PRCD: variants seen among roughly 807,000 people sequenced by gnomAD.
The protein encoded by PRCD is photoreceptor disk component PRCD.
Under a neutral mutation model 10.1 loss-of-function variants are expected in PRCD, and 12 were observed. That is an observed-to-expected ratio of 1.18 (90% CI 0.76 to 1.92). PRCD has a LOEUF of 1.92. PRCD is among the 40% of genes most tolerant of loss of function. PRCD has a pLI of 0.00. For synonymous variants in PRCD, 31 were observed against 26.2 expected (o/e 1.18, Z -0.56); for missense variants, 61 against 72.2 (o/e 0.84, Z 0.56).
rs939688942 is a variant in PRCD at position 76,530,741 on chromosome 17, C to T, written n.45+2908C>T. 5.3e-5 allele frequency among the ~76,000 whole-genome samples: 8 copies of T among 152,130 alleles called. No homozygotes were observed. The highest frequency in any genetic ancestry group is 2.9e-5 in the Non-Finnish European group (2 of 68,024). ...CCTGGCTCTAGGGAAGGGGAAGGCT[C>T]TTTGGGAGGATTTTTGCTCAGGGCT... On this transcript the variant is annotated intron_variant and non_coding_transcript_variant, in intron 1 of 4. Transcript: ENST00000397633. The surrounding 1 kb of genome is among the most constrained non-coding windows in gnomAD (Gnocchi z 6.1).
downstream of PRCD, among the ~76,000 whole-genome samples, chr17:76,549,132 G>A (rs1373790462): frequency 1.3e-5 from 2 of 152,144 alleles, no homozygotes; most frequent in Non-Finnish European, 2.9e-5. Flanking sequence ...CAATACACTG[G>A]ACTTTATCAA....
At chr17:76,547,246 G>A (rs961697921), downstream of PRCD, 1 of 152,344 alleles carries the variant, frequency 6.6e-6, no homozygotes, top group Non-Finnish European at 1.5e-5. Context: ...TGGCAGGGAT[G>A]ACAGACAGCG....
In PRCD at chr17:76,544,076, C is replaced by A. The variant is rs903171307; in HGVS notation, c.*426C>A. 1.5e-4 allele frequency: 70 copies of A among 454,532 alleles called. No individual in the cohort carries two copies. The Admixed American group carries it at 1.6e-3, about 11-fold the overall frequency. The allele number at this position is 454,532 out of a possible 1,614,324, so 28.2% of individuals were successfully genotyped here. A position where few individuals can be genotyped will look rare whatever the true frequency, so the allele number is the denominator to read the frequency against. On this transcript the variant is annotated 3_prime_UTR_variant, in exon 5 of 5. Coordinates refer to ENST00000592014, the MANE Select transcript of PRCD (RefSeq NM_001077620.3). ...AGCTGCTCTGCCATTTCTCTCTTTT[C>A]AATCCTGCATGATCCTGAGCAGAGA... is the stretch of plus-strand genomic sequence containing the variant.
In PRCD at chr17:76,531,135, G is replaced by A; in HGVS notation, n.45+3302G>A. The A allele has an allele frequency of 6.2e-7, 1 of 1,613,214 alleles. No homozygotes were observed. Among genetic ancestry groups the A allele is most frequent in the Middle Eastern group, 1.7e-4 (1 of 5,990 alleles). ...GGCGACCACCTCCAGAATGACCCCA[G>A]AGAGGATCTGGGGGCAAAGGGAGGA... On this transcript the variant is annotated intron_variant and non_coding_transcript_variant, in intron 1 of 4. Transcript: ENST00000397633. This position sits in a 1 kb window ranked among gnomAD's most constrained non-coding sequence, Gnocchi z 7.4.
downstream of PRCD, among the ~76,000 whole-genome samples, chr17:76,547,672 CACAG>C (rs1567915419): frequency 2.0e-5 from 3 of 151,276 alleles, no homozygotes; most frequent in South Asian, 4.2e-4. Context: ...CATATTCACA[CACAG>C]AGACACCCAC....
In PRCD at chr17:76,528,509, CAAG is replaced by C; in HGVS notation, n.45+677_45+679del. 1 of 1,229,688 alleles carries C rather than the reference CAAG, an allele frequency of 8.1e-7. No individual in the cohort carries two copies. Among genetic ancestry groups the C allele is most frequent in the South Asian group, 3.0e-5 (1 of 33,500 alleles). 76.2% of individuals were successfully genotyped at this position (1,229,688 alleles called of 1,614,324 possible). Reference sequence around the variant, plus strand: ...TCCTTGGCACCCAGAAATGGAGCGTCAAGGAGGGTCTTCAGAACTCGGCCTTCT... The same window carrying C: ...TCCTTGGCACCCAGAAATGGAGCGTCGAGGGTCTTCAGAACTCGGCCTTCT... On this transcript the variant is annotated intron_variant and non_coding_transcript_variant, in intron 1 of 4. Coordinates refer to the PRCD transcript ENST00000397633. The surrounding 1 kb of genome is among the most constrained non-coding windows in gnomAD (Gnocchi z 5.8).
chr17:76,537,327 G>T, upstream of PRCD: 3 of 1,450,172 alleles, frequency 2.1e-6, no homozygotes, highest in Non-Finnish European at 2.7e-6. Flanking sequence ...TCGGACCCGG[G>T]CCCAGCCCTC....
chr17:76,533,266 C>T lies in PRCD; in HGVS notation n.45+5433C>T, dbSNP rs1055185671. Among the ~76,000 whole-genome samples, 24 of 152,170 alleles carry T rather than the reference C, an allele frequency of 1.6e-4. No individual in the cohort carries two copies. The highest frequency in any genetic ancestry group is 5.8e-4 in the African/African-American group (24 of 41,426). The stretch of plus-strand genomic sequence containing the variant: ...TTTGCAGAAGGGCAAGAGGAGGGCC[C>T]CCGCTCACTGCTTCATGGATACACG... On this transcript the variant is annotated intron_variant and non_coding_transcript_variant, in intron 1 of 4. Transcript: ENST00000397633. The surrounding 1 kb of genome is among the most constrained non-coding windows in gnomAD (Gnocchi z 4.5).
upstream of PRCD, chr17:76,527,784 G>A (rs1305503196): frequency 2.2e-6 from 1 of 453,920 alleles, no homozygotes; most frequent in African/African-American, 2.0e-5. Flanking sequence ...CCCCAGTGCG[G>A]TCATCCCACC....
chr17:76,527,779 G>A, upstream of PRCD: 1 of 454,040 alleles, frequency 2.2e-6, no homozygotes, highest in Non-Finnish European at 4.4e-6. Context: ...CCCTCCCCCA[G>A]TGCGGTCATC....
chr17:76,551,821 G>A (rs1204472972), intron 1 of PRCD: 1 of 151,354 alleles, frequency 6.6e-6, no homozygotes, highest in Non-Finnish European at 1.5e-5. Flanking sequence ...TTTTTAGGCT[G>A]GATTGTTTGA....
rs201699563 is a variant in PRCD at position 76,531,437 on chromosome 17, C to G, written n.45+3604C>G. 2 of 1,594,618 alleles carry G rather than the reference C, an allele frequency of 1.3e-6. No individual in the cohort carries two copies. The highest frequency in any genetic ancestry group is 1.1e-5 in the South Asian group (1 of 90,620). On this transcript the variant is annotated intron_variant and non_coding_transcript_variant, in intron 1 of 4. Coordinates refer to the PRCD transcript ENST00000397633. The surrounding 1 kb of genome is among the most constrained non-coding windows in gnomAD (Gnocchi z 7.4). ...CCATGACGCGTGGGCGGTGGGGGCT[C>G]TGCAGCAGATGGGGGCGCATACCTT...
exon 1 of PRCD, chr17:76,527,807 C>T (rs1260088853): frequency 4.4e-6 from 2 of 453,876 alleles, no homozygotes; most frequent in Non-Finnish European, 8.8e-6. Flanking sequence ...GAACTTCGCT[C>T]TGCCCCTGCC....
Position 76,531,072 on chromosome 17 carries a change from C to T in PRCD, n.45+3239C>T, listed in dbSNP as rs1057192546. 3 of 1,613,776 alleles carry T rather than the reference C, an allele frequency of 1.9e-6. No individual in the cohort carries two copies. Among genetic ancestry groups the T allele is most frequent in the Non-Finnish European group, 2.5e-6 (3 of 1,179,956 alleles). ...GAGGCCACGCAGCTTGGCCCAGGCTCTCTGCGTCTCAGGTGGGAAGTCACT... is the reference window on the plus strand; with the variant it reads ...GAGGCCACGCAGCTTGGCCCAGGCTTTCTGCGTCTCAGGTGGGAAGTCACT... On this transcript the variant is annotated intron_variant and non_coding_transcript_variant, in intron 1 of 4. Coordinates refer to the PRCD transcript ENST00000397633. This position sits in a 1 kb window ranked among gnomAD's most constrained non-coding sequence, Gnocchi z 7.4.
At chr17:76,534,853 C>T (rs527324158) in intron 1 of PRCD, among the ~76,000 whole-genome samples, 3 of 152,362 alleles carry the variant, frequency 2.0e-5, no homozygotes, top group South Asian at 2.1e-4. Flanking sequence ...AGACCCTCCA[C>T]GGTTCTGTGG....
Position 76,528,184 on chromosome 17 carries a change from T to G in PRCD, n.45+351T>G, listed in dbSNP as rs141338592. 4.2e-3 allele frequency: 1,688 copies of G among 397,292 alleles called. 24 individuals carry two copies. The highest frequency in any genetic ancestry group is 0.031 in the African/African-American group (1,482 of 48,572). The allele number at this position is 397,292 out of a possible 1,614,324, so 24.6% of individuals were successfully genotyped here. On this transcript the variant is annotated intron_variant and non_coding_transcript_variant, in intron 1 of 4. Coordinates refer to the PRCD transcript ENST00000397633. The surrounding 1 kb of genome is among the most constrained non-coding windows in gnomAD (Gnocchi z 5.8). ...ATATAGAATATATCTGTATATATGG[T>G]AGATGTGTGCGTGATACTCTAGATG...
At chr17:76,529,254 G>T (rs775642150) in intron 1 of PRCD, 13 of 985,298 alleles carry the variant, frequency 1.3e-5, no homozygotes, top group Non-Finnish European at 1.3e-5. Context: ...AGGGACACTA[G>T]GGGTGGGCTA....
chr17:76,532,894 G>A (rs1443662819), intron 1 of PRCD, among the ~76,000 whole-genome samples: 1 of 152,188 alleles, frequency 6.6e-6, no homozygotes, highest in East Asian at 1.9e-4. Flanking sequence ...TGAGACATGG[G>A]CACCGACTCA....
At position 76,531,706 on chromosome 17, in the gene PRCD, A is replaced by G. The variant is rs751166799; in HGVS notation, n.45+3873A>G. On this transcript the variant is annotated intron_variant and non_coding_transcript_variant, in intron 1 of 4. Transcript: ENST00000397633. This position sits in a 1 kb window ranked among gnomAD's most constrained non-coding sequence, Gnocchi z 7.4. ...TCACAAAGAACCTGGCAAGAGGAAC[A>G]GGGGTGGTCGCTGAAGCTGGAGGCT... 1 of 1,573,678 alleles carries G rather than the reference A, an allele frequency of 6.4e-7. No individual in the cohort carries two copies. The highest frequency in any genetic ancestry group is 8.7e-7 in the Non-Finnish European group (1 of 1,151,892).
Sources: gnomAD v4.1 joint callset for allele counts (sites outside exome capture counted in the v4.1 genomes callset) on GRCh38, gnomAD v4.1.1 for gene constraint, Gnocchi (gnomAD v3.1) non-coding constraint, MANE v1.5 for transcripts, NCBI Gene and HGNC (gene_info 2026-07-23, HGNC 2026-07-21) for gene names.